GPRIN2: variants seen among roughly 807,000 people sequenced by gnomAD.
GPRIN2 encodes the protein G protein regulated inducer of neurite outgrowth 2.
In GPRIN2, 1 loss-of-function variant was observed where a neutral mutation model predicts 0.3. The ratio of observed to expected loss-of-function variants is 3.90; its 90% confidence interval spans 1.39 to 18.51. The LOEUF is 18.51. Ranked by LOEUF, GPRIN2 falls within the 30% of genes most tolerant of loss-of-function variation. The pLI is 0.11. For missense variants in GPRIN2, 880 were observed against 604.2 expected, an observed-to-expected ratio of 1.46 and a Z score of -4.79; for synonymous variants, 361 against 258.6, an observed-to-expected ratio of 1.40 and a Z score of -3.80.
chr10:46,549,415 A>T lies in GPRIN2; in HGVS notation c.1322T>A (p.Met441Lys). The T allele has an allele frequency of 6.4e-7, 1 of 1,559,396 alleles. No homozygotes were observed. Among genetic ancestry groups the T allele is most frequent in the South Asian group, 1.2e-5 (1 of 82,244 alleles). ...EGRRGPLRAVMQSLRRPSCCG... is the reference protein window; with the variant it reads ...EGRRGPLRAVKQSLRRPSCCG... ...GCAGCTGGGGCGCCGCAGGGACTGC[A>T]TGACAGCCCGCAGTGGCCCCCTCCG... Residue 441 changes from methionine to lysine, a missense_variant, in exon 3 of 3, where the codon ATG becomes AAG. Met to Lys is a moderately conservative substitution (Grantham distance 95). Transcript: ENST00000374314.
In GPRIN2 at chr10:46,548,868, G is replaced by C. The variant is rs1842402091; in HGVS notation, c.*492C>G. Among the ~76,000 whole-genome samples the C allele has an allele frequency of 6.6e-6, 1 of 152,310 alleles. No homozygotes were observed. Among genetic ancestry groups the C allele is most frequent in the African/African-American group, 2.4e-5 (1 of 41,488 alleles). ...GGATGAAGAGGTGAAGACAGGACAA[G>C]CACAGTATGTGGCACACAGGAGGCC... On this transcript the variant is annotated 3_prime_UTR_variant, in exon 3 of 3. Coordinates refer to ENST00000374314, the MANE Select transcript of GPRIN2 (RefSeq NM_001385282.1).
chr10:46,550,009 G>GCCCCCACAT lies in GPRIN2; in HGVS notation c.727_728insATGTGGGGG (p.Arg242_Ala243insAspValGly), dbSNP rs554090811. ...AGGTAGGGCATGGCAGCAGCCACCA[G>GCCCCCACAT]CCCTCACCTCCCTCATGCCACAGAG... On this transcript the variant is annotated inframe_insertion, in exon 3 of 3. Transcript: ENST00000374314. The GCCCCCACAT allele has an allele frequency of 6.2e-7, 1 of 1,611,168 alleles. No individual in the cohort carries two copies. Among genetic ancestry groups the GCCCCCACAT allele is most frequent in the Non-Finnish European group, 8.5e-7 (1 of 1,177,926 alleles).
At position 46,543,130 on chromosome 10, in the gene GPRIN2, T is replaced by C. The variant is rs1833043179; in HGVS notation, c.*6230A>G. 0.03 allele frequency among the ~76,000 whole-genome samples: 4,443 copies of C among 149,928 alleles called. No homozygotes were observed. Among genetic ancestry groups the C allele is most frequent in the African/African-American group, 0.11 (4,221 of 39,260 alleles). ...TAAGGAGATGCTCAGATGTTTTGGT[T>C]TGTGTCCAAAGAGGGGAAGGACAGG... On this transcript the variant is annotated 3_prime_UTR_variant, in exon 3 of 3. Coordinates refer to ENST00000374314, the MANE Select transcript of GPRIN2 (RefSeq NM_001385282.1).
rs1007094428 is a variant in GPRIN2, at chr10:46,544,433, C to T, written c.*4927G>A. 3.3e-5 allele frequency among the ~76,000 whole-genome samples: 5 copies of T among 152,426 alleles called. No individual in the cohort carries two copies. In the South Asian group the frequency reaches 8.3e-4, roughly 25 times the overall value. ...CCACCTCCTGGGCTCAAGCCATCTT[C>T]CCACCTCAACCCCCTGAGTAGCTGA... is the stretch of plus-strand genomic sequence containing the variant. On this transcript the variant is annotated 3_prime_UTR_variant, in exon 3 of 3. Transcript: ENST00000374314.
chr10:46,548,221 G>A lies in GPRIN2; in HGVS notation c.*1139C>T, dbSNP rs1842343797. Among the ~76,000 whole-genome samples the A allele has an allele frequency of 6.6e-6, 1 of 151,904 alleles. No individual in the cohort carries two copies. Among genetic ancestry groups the A allele is most frequent in the African/African-American group, 2.4e-5 (1 of 41,330 alleles). ...CTTCACAGGCCTCGAGAAATCTTTGGGCAATGAAGTCAGACTGTGCCAAAG... is the reference window on the plus strand; with the variant it reads ...CTTCACAGGCCTCGAGAAATCTTTGAGCAATGAAGTCAGACTGTGCCAAAG... On this transcript the variant is annotated 3_prime_UTR_variant, in exon 3 of 3. Coordinates refer to ENST00000374314, the MANE Select transcript of GPRIN2 (RefSeq NM_001385282.1).
At position 46,556,499 on chromosome 10, in the gene GPRIN2, C is replaced by G; in HGVS notation, c.-119G>C. Reference sequence around the variant, plus strand: ...GAGCGCGCGGAGCCAGCCTCTCACCCTCTCGCCCGCCGGGGCCGCGCAGGC... The same window carrying G: ...GAGCGCGCGGAGCCAGCCTCTCACCGTCTCGCCCGCCGGGGCCGCGCAGGC... On this transcript the variant is annotated splice_region_variant and 5_prime_UTR_variant, in exon 1 of 3. Transcript: ENST00000374314. Among the ~76,000 whole-genome samples the G allele has an allele frequency of 6.6e-6, 1 of 152,392 alleles. No homozygotes were observed. The highest frequency in any genetic ancestry group is 2.4e-5 in the African/African-American group (1 of 41,600).
intron 2 of GPRIN2, among the ~76,000 whole-genome samples, chr10:46,554,020 A>G (rs1842898998): frequency 6.6e-6 from 1 of 152,308 alleles, no homozygotes; most frequent in African/African-American, 2.4e-5. Flanking sequence ...CTGTGCATGT[A>G]CTCACAGGTG....
rs1010137302 is a variant in GPRIN2 at position 46,546,641 on chromosome 10, T to C, written c.*2719A>G. ...GATCTGTAAACTAAACCGCTGGCCA[T>C]GCTCTGGGGCCCTAAACCACTGCAG... On this transcript the variant is annotated 3_prime_UTR_variant, in exon 3 of 3. Transcript: ENST00000374314. 6.6e-6 allele frequency among the ~76,000 whole-genome samples: 1 copy of C among 152,306 alleles called. No individual in the cohort carries two copies. Among genetic ancestry groups the C allele is most frequent in the Admixed American group, 6.5e-5 (1 of 15,292 alleles).
Position 46,546,948 on chromosome 10 carries a change from C to A in GPRIN2, c.*2412G>T, listed in dbSNP as rs1842212472. ...CAGCCCGGCCTGCCATCCTGGCAAG[C>A]CAGGGCAGCATGGAGGTAGCACAGA... is the stretch of plus-strand genomic sequence containing the variant. On this transcript the variant is annotated 3_prime_UTR_variant, in exon 3 of 3. Coordinates refer to ENST00000374314, the MANE Select transcript of GPRIN2 (RefSeq NM_001385282.1). 6.6e-6 allele frequency among the ~76,000 whole-genome samples: 1 copy of A among 152,312 alleles called. No individual in the cohort carries two copies. The highest frequency in any genetic ancestry group is 2.4e-5 in the African/African-American group (1 of 41,488).
At chr10:46,552,979 C>A (rs969282036) in intron 2 of GPRIN2, among the ~76,000 whole-genome samples, 1 of 152,312 alleles carries the variant, frequency 6.6e-6, no homozygotes, top group Non-Finnish European at 1.5e-5. Context: ...CCCGTAACAG[C>A]GATGATAATA....
In GPRIN2 at chr10:46,546,448, G is replaced by A. The variant is rs1019912066; in HGVS notation, c.*2912C>T. Among the ~76,000 whole-genome samples, 6 of 152,396 alleles carry A rather than the reference G, an allele frequency of 3.9e-5. No individual in the cohort carries two copies. The highest frequency in any genetic ancestry group is 1.9e-4 in the East Asian group (1 of 5,196). Reference sequence around the variant, plus strand: ...AAAATAAACAAGACCAGTCAGGACCGATGCCCCATCCCTGCTGGGGTCTGG... The same window carrying A: ...AAAATAAACAAGACCAGTCAGGACCAATGCCCCATCCCTGCTGGGGTCTGG... On this transcript the variant is annotated 3_prime_UTR_variant, in exon 3 of 3. Transcript: ENST00000374314.
intron 2 of GPRIN2, among the ~76,000 whole-genome samples, chr10:46,554,327 C>T (rs1842937319): frequency 6.6e-6 from 1 of 152,312 alleles, no homozygotes; most frequent in African/African-American, 2.4e-5. Flanking sequence ...GACCAGGTCA[C>T]CATCAGTGTC....
chr10:46,551,534 A>G (rs1842608943), intron 2 of GPRIN2: 1 of 981,894 alleles, frequency 1.0e-6, no homozygotes, highest in Admixed American at 6.1e-5. Flanking sequence ...GCCCAGCTGT[A>G]GGGCTAGGGA....
At chr10:46,551,324 C>T in intron 2 of GPRIN2, 2 of 903,928 alleles carry the variant, frequency 2.2e-6, no homozygotes, top group Non-Finnish European at 2.6e-6. Flanking sequence ...CCAGAGGACA[C>T]TGAGAATCAC....
In GPRIN2 at chr10:46,550,508, C is replaced by A; in HGVS notation, c.229G>T (p.Ala77Ser). ...CTGGGTCGCGCCTTGGGGCCAGAGG[C>A]CCGTGCTGGCTTCATGCTCTCAGGC... Reference protein sequence around the residue: ...NPPESMKPARASGPKARPSAG... With the variant: ...NPPESMKPARSSGPKARPSAG... Residue 77 changes from alanine (A) to serine (S), a missense_variant, in exon 3 of 3, where the codon GCC becomes TCC. Coordinates refer to ENST00000374314, the MANE Select transcript of GPRIN2 (RefSeq NM_001385282.1). 6.2e-7 allele frequency: 1 copy of A among 1,605,382 alleles called. No individual in the cohort carries two copies. The highest frequency in any genetic ancestry group is 8.5e-7 in the Non-Finnish European group (1 of 1,175,064).
rs1429856747 is a variant in GPRIN2 at position 46,548,630 on chromosome 10, T to G, written c.*730A>C. Reference sequence around the variant, plus strand: ...GAGCTCAGCCAGGGCAGGGGCAGCCTCTGTCTCATTCACCACAGAATCCAC... The same window carrying G: ...GAGCTCAGCCAGGGCAGGGGCAGCCGCTGTCTCATTCACCACAGAATCCAC... On this transcript the variant is annotated 3_prime_UTR_variant, in exon 3 of 3. Coordinates refer to ENST00000374314, the MANE Select transcript of GPRIN2 (RefSeq NM_001385282.1). Among the ~76,000 whole-genome samples, 6 of 152,294 alleles carry G rather than the reference T, an allele frequency of 3.9e-5. No individual in the cohort carries two copies. Among genetic ancestry groups the G allele is most frequent in the Admixed American group, 2.0e-4 (3 of 15,294 alleles).
At position 46,549,682 on chromosome 10, in the gene GPRIN2, G is replaced by A. The variant is rs1832628277; in HGVS notation, c.1055C>T (p.Pro352Leu). The A allele has an allele frequency of 7.0e-5, 113 of 1,614,010 alleles. No individual in the cohort carries two copies. The highest frequency in any genetic ancestry group is 5.9e-4 in the African/African-American group (44 of 75,074). Reference protein sequence around the residue: ...VAACKAVATSPSLEAPAALHV... With the variant: ...VAACKAVATSLSLEAPAALHV... The stretch of plus-strand genomic sequence containing the variant: ...CAGGGCTGCAGGCGCTTCCAGGGAC[G>A]GACTGGTGGCCACAGCCTTGCAGGC... The change falls in exon 3 of 3, where the codon CCG (proline) becomes CTG (leucine). Residue 352 changes from proline to leucine, a missense_variant. Pro to Leu is a moderately conservative substitution (Grantham distance 98, BLOSUM62 -3). Coordinates refer to ENST00000374314, the MANE Select transcript of GPRIN2 (RefSeq NM_001385282.1).
Position 46,543,179 on chromosome 10 carries a change from T to G in GPRIN2, c.*6181A>C, listed in dbSNP as rs1347226280. 6.6e-6 allele frequency among the ~76,000 whole-genome samples: 1 copy of G among 152,308 alleles called. No individual in the cohort carries two copies. The highest frequency in any genetic ancestry group is 1.5e-5 in the Non-Finnish European group (1 of 68,058). On this transcript the variant is annotated 3_prime_UTR_variant, in exon 3 of 3. Transcript: ENST00000374314. The stretch of plus-strand genomic sequence containing the variant: ...GGTGGAGAGAAAGGGCCTAGACCCA[T>G]GTAAATCACAAATGCCAAGACCCAG...
chr10:46,553,030 G>A (rs1832074163), intron 2 of GPRIN2, among the ~76,000 whole-genome samples: 7 of 152,416 alleles, frequency 4.6e-5, no homozygotes, highest in African/African-American at 7.2e-5. Context: ...GGCCAGACAC[G>A]TGCCACATCC....
Sources: gnomAD v4.1 joint callset for allele counts (sites outside exome capture counted in the v4.1 genomes callset) on GRCh38, gnomAD v4.1.1 for gene constraint, MANE v1.5 for transcripts, NCBI Gene and HGNC (gene_info 2026-07-23, HGNC 2026-07-21) for gene names.